Variants in CPNE2 observed in about 807,000 individuals in gnomAD.
The protein encoded by CPNE2 is copine-2.
In CPNE2, 42 loss-of-function variants were observed where a neutral mutation model predicts 69.7. The observed-to-expected ratio is 0.60, with a 90% CI of 0.47 to 0.78. The LOEUF (loss-of-function observed/expected upper bound fraction) is 0.78. Among genes scored for constraint, CPNE2 ranks in the 30% least tolerant of loss-of-function variants. The probability of loss-of-function intolerance (pLI) is 0.00; values close to 1 mark genes in which losing one functional copy is unlikely to be tolerated. For missense variants in CPNE2, 587 were observed against 732.0 expected, an observed-to-expected ratio of 0.80 and a Z score of 2.29; for synonymous variants, 294 against 289.8, an observed-to-expected ratio of 1.01 and a Z score of -0.15.
intron 1 of CPNE2, among the ~76,000 whole-genome samples, chr16:57,099,984 G>A (rs2069603426): frequency 6.6e-6 from 1 of 151,942 alleles, no homozygotes; most frequent in Admixed American, 6.6e-5. Context: ...CATGCTAGCC[G>A]GGATGGTCTT....
intron 2 of CPNE2, 132 bp downstream of exon 2, chr16:57,111,054 T>G (rs190532704): frequency 3.7e-6 from 2 of 545,144 alleles, no homozygotes; most frequent in Admixed American, 3.8e-5. Context: ...AGGGGATTAC[T>G]TGGTAAATTG....
chr16:57,110,294 G>A (rs888851619), intron 1 of CPNE2, among the ~76,000 whole-genome samples: 3 of 146,344 alleles, frequency 2.0e-5, no homozygotes, highest in Non-Finnish European at 3.0e-5. Context: ...GTGCAATCAC[G>A]GCTCACTGCA....
intron 7 of CPNE2, among the ~76,000 whole-genome samples, chr16:57,120,270 CAAA>C (rs201770187): frequency 8.4e-6 from 1 of 118,922 alleles, no homozygotes. Flanking sequence ...GATTCTGTCT[CAAA>C]AAAAAAAAAA....
At chr16:57,123,166 C>T in intron 9 of CPNE2, 1 of 537,602 alleles carries the variant, frequency 1.9e-6, no homozygotes, top group South Asian at 2.5e-5. Context: ...TGGCACCCTG[C>T]CTGGAACCAG....
chr16:57,108,149 C>A (rs2069659449), intron 1 of CPNE2, among the ~76,000 whole-genome samples: 1 of 152,196 alleles, frequency 6.6e-6, no homozygotes, highest in African/African-American at 2.4e-5. Context: ...GGATTACAGG[C>A]ATGAGCCCAC....
At position 57,130,517 on chromosome 16, in the gene CPNE2, C is replaced by A. The variant is rs1438543528; in HGVS notation, c.1116+2614C>A. Among the ~76,000 whole-genome samples the A allele has an allele frequency of 6.6e-6, 1 of 151,918 alleles. No homozygotes were observed. ...CCCATAAGTAGCAGCATTTATTGGG[C>A]CCTTAGAATGTTCTAGATACCACTC... On this transcript the variant is annotated intron_variant, in intron 12 of 15. Coordinates refer to ENST00000290776, the MANE Select transcript of CPNE2 (RefSeq NM_152727.6). The surrounding 1 kb of genome is among the most constrained non-coding windows in gnomAD (Gnocchi z 4.1).
At chr16:57,144,478 A>G (rs1227243187) in intron 14 of CPNE2, 1 of 151,976 alleles carries the variant, frequency 6.6e-6, no homozygotes, top group Non-Finnish European at 1.5e-5. Flanking sequence ...GCTTGGTTCC[A>G]CCCTCCTTAG....
chr16:57,104,210 G>A (rs1179755746), intron 1 of CPNE2, among the ~76,000 whole-genome samples: 1 of 152,176 alleles, frequency 6.6e-6, no homozygotes, highest in Non-Finnish European at 1.5e-5. Flanking sequence ...GAGCCACCAC[G>A]CCCGGCCGGA....
chr16:57,134,854 C>T (rs1354859258), intron 13 of CPNE2, 28 bp downstream of exon 13: 6 of 1,612,958 alleles, frequency 3.7e-6, no homozygotes, highest in Non-Finnish European at 8.5e-7. Flanking sequence ...CTGCAGCTGC[C>T]CTGTGTTTGC....
intron 12 of CPNE2, among the ~76,000 whole-genome samples, chr16:57,129,940 A>G (rs1373989619): frequency 6.6e-6 from 1 of 152,026 alleles, no homozygotes; most frequent in Non-Finnish European, 1.5e-5. Context: ...TGCTAGGGAG[A>G]CAGGTGGAGT....
At chr16:57,118,543 G>A (rs1413687817) in intron 5 of CPNE2, among the ~76,000 whole-genome samples, 2 of 152,072 alleles carry the variant, frequency 1.3e-5, no homozygotes, top group East Asian at 3.9e-4. Context: ...GTTGCCAGGT[G>A]CAGCGGCTCA....
Position 57,124,698 on chromosome 16 carries a change from G to T in CPNE2, c.928-1162G>T, listed in dbSNP as rs1431729732. 10 of 253,012 alleles carry T rather than the reference G, an allele frequency of 4.0e-5. No homozygotes were observed. In the Admixed American group the frequency reaches 4.7e-4, roughly 12 times the overall value. 15.7% of individuals were successfully genotyped at this position (253,012 alleles called of 1,614,324 possible). On this transcript the variant is annotated intron_variant, in intron 10 of 15. Coordinates refer to ENST00000290776, the MANE Select transcript of CPNE2 (RefSeq NM_152727.6). ...AGGCCCAGAAGGGAGGAAGCTGCTG[G>T]GGTGCCACGCTCTGCCCACCTCCCC...
chr16:57,128,336 TCTC>T (rs1243629933), intron 12 of CPNE2, among the ~76,000 whole-genome samples: 1 of 152,084 alleles, frequency 6.6e-6, no homozygotes, highest in Admixed American at 6.5e-5. Flanking sequence ...TTCAAACAAT[TCTC>T]CTGCCTCAGC....
intron 11 of CPNE2, 90 bp downstream of exon 11, chr16:57,126,083 C>A (rs2069799060): frequency 6.6e-7 from 1 of 1,515,236 alleles, no homozygotes; most frequent in Non-Finnish European, 9.0e-7. Flanking sequence ...ACCCAGAGAT[C>A]ATCAAATCTA....
intron 12 of CPNE2, among the ~76,000 whole-genome samples, chr16:57,129,935 G>C (rs2069825884): frequency 1.3e-5 from 2 of 152,160 alleles, no homozygotes; most frequent in South Asian, 4.1e-4. Context: ...GAGATTGCTA[G>C]GGAGACAGGT....
intron 2 of CPNE2, among the ~76,000 whole-genome samples, chr16:57,111,573 T>C (rs2069682373): frequency 6.6e-6 from 1 of 152,260 alleles, no homozygotes; most frequent in African/African-American, 2.4e-5. Flanking sequence ...ACATGGTCAG[T>C]AAGAAACAGA....
At chr16:57,127,960 C>T in intron 12 of CPNE2, 57 bp downstream of exon 12, 8 of 1,562,026 alleles carry the variant, frequency 5.1e-6, no homozygotes, top group Non-Finnish European at 7.1e-6. Flanking sequence ...TGTGTGTGGC[C>T]TCTCGGGGAT....
intron 1 of CPNE2, among the ~76,000 whole-genome samples, chr16:57,102,817 G>T (rs1393299760): frequency 6.6e-6 from 1 of 151,968 alleles, no homozygotes; most frequent in Admixed American, 6.6e-5. Context: ...GGCCAGGCTA[G>T]TCTTGAGCTC....
At chr16:57,126,317 C>G (rs1242984310) in intron 11 of CPNE2, among the ~76,000 whole-genome samples, 1 of 151,186 alleles carries the variant, frequency 6.6e-6, no homozygotes, top group East Asian at 1.9e-4. Flanking sequence ...GAATGGGAGG[C>G]CTGGGGTGGG....
Sources: allele counts gnomAD v4.1 joint callset (sites outside exome capture counted in the v4.1 genomes callset), GRCh38; gene constraint gnomAD v4.1.1; non-coding constraint Gnocchi (gnomAD v3.1); transcripts MANE v1.5; gene names NCBI Gene and HGNC (gene_info 2026-07-23, HGNC 2026-07-21).